The following FMO5 variants were observed in gnomAD, a reference collection of about 807,000 sequenced individuals.
FMO5 encodes flavin-containing monooxygenase 5.
A neutral mutation model predicts 43.6 loss-of-function variants in FMO5; 51 were observed. The observed-to-expected ratio is 1.17, with a 90% CI of 0.93 to 1.48. The LOEUF (loss-of-function observed/expected upper bound fraction) is 1.48. Among genes scored for constraint, FMO5 ranks in the 40% most tolerant of loss-of-function variants. The pLI, the probability that FMO5 is intolerant of heterozygous loss-of-function variation, is 0.00. For missense variants in FMO5, 644 were observed against 643.0 expected (o/e 1.00, Z -0.02); for synonymous variants, 187 against 216.5 (o/e 0.86, Z 1.20).
At chr1:147,190,349 G>A in intron 7 of FMO5, 100 bp from the exon 8 acceptor site, 1 of 742,444 alleles carries the variant, frequency 1.3e-6, no homozygotes, top group South Asian at 1.8e-5. Context: ...AGAAATACAG[G>A]GTAAGTTTCC....
chr1:147,207,524 T>A (rs1462590334), intron 6 of FMO5, among the ~76,000 whole-genome samples: 2 of 152,220 alleles, frequency 1.3e-5, no homozygotes, highest in African/African-American at 4.8e-5. Context: ...ATCTGTCCTC[T>A]TTCTTCTCAT....
At chr1:147,223,816 A>G (rs114448954) in intron 2 of FMO5, 3,398 of 286,040 alleles carry the variant, frequency 0.012, 108 homozygotes, top group African/African-American at 0.071. Flanking sequence ...CAGGCTTCGC[A>G]CTGCCAAACA....
chr1:147,218,634 C>T (rs1345270812), intron 2 of FMO5, among the ~76,000 whole-genome samples: 1 of 152,152 alleles, frequency 6.6e-6, no homozygotes, highest in Non-Finnish European at 1.5e-5. Flanking sequence ...CTCTTGATTC[C>T]ATATGGAAAA....
chr1:147,190,172 CT>C lies in FMO5; in HGVS notation c.1256+4del, dbSNP rs782457346. ...ACCATATATCTTCCTGGGAGAGTTT[CT>C]TACCTTTTGTCAATTTCCTCTTGAG... On this transcript the variant is annotated splice_donor_region_variant and intron_variant, in intron 8 of 8. Coordinates refer to ENST00000254090, the MANE Select transcript of FMO5 (RefSeq NM_001461.4). 1.9e-6 allele frequency: 3 copies of C among 1,590,438 alleles called. No individual in the cohort carries two copies. Among genetic ancestry groups the C allele is most frequent in the East Asian group, 4.5e-5 (2 of 44,608 alleles).
intron 6 of FMO5, chr1:147,203,344 A>C (rs1462086990): frequency 6.8e-7 from 1 of 1,464,728 alleles, no homozygotes; most frequent in East Asian, 2.3e-5. Context: ...TGGTTTTGCC[A>C]TGATTACCTG....
At chr1:147,211,367 A>AT (rs1553923699) in intron 5 of FMO5, 1 of 152,190 alleles carries the variant, frequency 6.6e-6, no homozygotes, top group Non-Finnish European at 1.5e-5. Flanking sequence ...TATTTTAATT[A>AT]TTTTTAATCC....
chr1:147,209,026 G>A lies in FMO5; in HGVS notation c.656C>T (p.Ala219Val), dbSNP rs1559661636. Residue 219 changes from alanine (A) to valine (V), a missense_variant, in exon 6 of 9, where the codon GCT (alanine) becomes GTT (valine). Transcript: ENST00000254090. ...KQVFLSTRRG[A>V]WILNRVGDYG... Reference sequence around the variant, plus strand: ...GTCCCCTACACGATTCAGGATCCAAGCCCCTCTCCTGGTGCTGAGGAAAAC... The same window carrying A: ...GTCCCCTACACGATTCAGGATCCAAACCCCTCTCCTGGTGCTGAGGAAAAC... The A allele has an allele frequency of 6.2e-7, 1 of 1,614,080 alleles. No homozygotes were observed. The highest frequency in any genetic ancestry group is 8.5e-7 in the Non-Finnish European group (1 of 1,179,962).
intron 3 of FMO5, among the ~76,000 whole-genome samples, chr1:147,214,066 A>C (rs1661521283): frequency 6.6e-6 from 1 of 152,206 alleles, no homozygotes; most frequent in Non-Finnish European, 1.5e-5. Context: ...TAGCTTTATA[A>C]AAAATAATAA....
chr1:147,222,916 C>G (rs1459211535), intron 2 of FMO5, among the ~76,000 whole-genome samples: 7 of 152,174 alleles, frequency 4.6e-5, no homozygotes. Flanking sequence ...GGCTAAGATG[C>G]TTAGTAAAGA....
At chr1:147,223,560 A>AGGAAAGAAGGCTAAG (rs1396229759) in intron 2 of FMO5, 1 of 153,866 alleles carries the variant, frequency 6.5e-6, no homozygotes, top group Admixed American at 6.5e-5. Context: ...AGATGCCAAT[A>AGGAAAGAAGGCTAAG]GGAAAGAAGG....
chr1:147,205,769 A>G (rs7519413), intron 6 of FMO5, among the ~76,000 whole-genome samples: 8,388 of 151,984 alleles, frequency 0.055, 260 homozygotes, highest in African/African-American at 0.091. Context: ...ATTAATTCAA[A>G]ATGGATTAAA....
At chr1:147,226,159 A>G (rs1423977234), upstream of FMO5, among the ~76,000 whole-genome samples, 2 of 149,708 alleles carry the variant, frequency 1.3e-5, no homozygotes, top group Non-Finnish European at 3.0e-5. Context: ...CTTGTGAACG[A>G]GGCAAGGTGG....
At chr1:147,218,366 G>A (rs1662382421) in intron 2 of FMO5, among the ~76,000 whole-genome samples, 1 of 152,016 alleles carries the variant, frequency 6.6e-6, no homozygotes, top group Non-Finnish European at 1.5e-5. Flanking sequence ...CTCCCGAGTA[G>A]CTGGGCCTAC....
intron 8 of FMO5, among the ~76,000 whole-genome samples, chr1:147,188,763 TAA>T (rs781911905): frequency 2.1e-5 from 3 of 140,476 alleles, no homozygotes; most frequent in South Asian, 2.2e-4. Flanking sequence ...TTTCAGAAGT[TAA>T]AAAAAAAAAA....
In FMO5 at chr1:147,186,444, C is replaced by T; in HGVS notation, c.*456G>A. The T allele has an allele frequency of 1.1e-6, 1 of 918,356 alleles. No homozygotes were observed. Among genetic ancestry groups the T allele is most frequent in the Non-Finnish European group, 1.3e-6 (1 of 769,198 alleles). 56.9% of individuals were successfully genotyped at this position (918,356 alleles called of 1,614,324 possible). On this transcript the variant is annotated 3_prime_UTR_variant, in exon 9 of 9. Transcript: ENST00000254090. The stretch of plus-strand genomic sequence containing the variant: ...ATTATTTCTCTTATCTCTCAGGAAA[C>T]ATATTTAGTTATAATATGAAAAAAA...
chr1:147,184,669 A>G (rs1553916715), downstream of FMO5: 2 of 1,465,544 alleles, frequency 1.4e-6, no homozygotes, highest in Admixed American at 2.6e-5. The surrounding 1 kb of genome is among the most constrained non-coding windows in gnomAD (Gnocchi z 4.4). Context: ...ACAGAGAGGT[A>G]AAGTGGCCTT....
At chr1:147,202,583 G>C (rs587693973) in intron 6 of FMO5, among the ~76,000 whole-genome samples, 31 of 152,204 alleles carry the variant, frequency 2.0e-4, no homozygotes, top group Non-Finnish European at 4.3e-4. Flanking sequence ...CTCCCAAAGT[G>C]CTGGGATTAC....
At chr1:147,193,420 G>T (rs1250892116) in intron 7 of FMO5, among the ~76,000 whole-genome samples, 1 of 151,984 alleles carries the variant, frequency 6.6e-6, no homozygotes, top group Non-Finnish European at 1.5e-5. Flanking sequence ...AGTCTTGCTA[G>T]CAGTTTATCA....
intron 7 of FMO5, among the ~76,000 whole-genome samples, chr1:147,192,756 T>C (rs1399514091): frequency 1.3e-5 from 2 of 152,190 alleles, no homozygotes; most frequent in Non-Finnish European, 2.9e-5. Flanking sequence ...CTTTTCTGCA[T>C]CTATTGAGAT....
Sources: gnomAD v4.1 joint callset for allele counts (sites outside exome capture counted in the v4.1 genomes callset) on GRCh38, gnomAD v4.1.1 for gene constraint, Gnocchi (gnomAD v3.1) non-coding constraint, MANE v1.5 for transcripts, NCBI Gene and HGNC (gene_info 2026-07-23, HGNC 2026-07-21) for gene names.